The following NR2E1 variants were observed in gnomAD, a reference collection of about 807,000 sequenced individuals.
NR2E1 encodes the protein nuclear receptor TLX.
A neutral mutation model predicts 43.6 loss-of-function variants in NR2E1; 5 were observed. The ratio of observed to expected loss-of-function variants is 0.11; its 90% CI spans 0.06 to 0.24. The LOEUF (loss-of-function observed/expected upper bound fraction) is 0.24. NR2E1 is among the 10% of genes least tolerant of loss of function. The pLI is 1.00. For synonymous variants in NR2E1, 191 were observed against 195.5 expected, an observed-to-expected ratio of 0.98 and a Z score of 0.19; for missense variants, 287 against 496.7, an observed-to-expected ratio of 0.58 and a Z score of 4.01.
intron 8 of NR2E1, among the ~76,000 whole-genome samples, chr6:108,185,786 A>G (rs2114683953): frequency 6.6e-6 from 1 of 152,374 alleles, no homozygotes; most frequent in Non-Finnish European, 1.5e-5. Flanking sequence ...TCCCAACTAA[A>G]GAATAAAATA....
intron 1 of NR2E1, chr6:108,168,229 AG>A: frequency 6.8e-7 from 1 of 1,473,984 alleles, no homozygotes. Context: ...GAGGCTCAGG[AG>A]GCCGTTTCTG....
At chr6:108,179,871 T>C (rs1360815349) in intron 5 of NR2E1, among the ~76,000 whole-genome samples, 1 of 152,094 alleles carries the variant, frequency 6.6e-6, no homozygotes, top group African/African-American at 2.4e-5. Flanking sequence ...GTGATCTCTG[T>C]CTCTCTCCCA....
At chr6:108,183,342 A>C (rs2114681888) in intron 8 of NR2E1, among the ~76,000 whole-genome samples, 1 of 151,932 alleles carries the variant, frequency 6.6e-6, no homozygotes, top group Non-Finnish European at 1.5e-5. Flanking sequence ...CTCCACCAAA[A>C]ATTTAAAAAA....
chr6:108,179,785 G>A (rs1168610022), intron 5 of NR2E1, among the ~76,000 whole-genome samples: 3 of 152,016 alleles, frequency 2.0e-5, no homozygotes. Flanking sequence ...AAATCAAGCA[G>A]TGAGACGAGG....
rs1774090543 is a variant in NR2E1 at position 108,187,222 on chromosome 6, G to T, written c.996-79G>T. The T allele has an allele frequency of 2.0e-6, 3 of 1,472,058 alleles. No individual in the cohort carries two copies. The African/African-American group carries it at 4.2e-5, about 20-fold the overall frequency. 91.2% of individuals were successfully genotyped at this position (1,472,058 alleles called of 1,614,324 possible). On this transcript the variant is annotated intron_variant, in intron 8 of 8. Transcript: ENST00000368986. The stretch of plus-strand genomic sequence containing the variant: ...GACCTAGATCAGCAATGCTGGAGAT[G>T]ATGTGTGTTCAAGTGTAAGACGTTA...
At chr6:108,177,086 C>T (rs942406136) in intron 4 of NR2E1, among the ~76,000 whole-genome samples, 1 of 152,162 alleles carries the variant, frequency 6.6e-6, no homozygotes, top group African/African-American at 2.4e-5. Context: ...CGTCTAAACC[C>T]AGAGGGCAGC....
chr6:108,182,638 A>G (rs1024598055), intron 8 of NR2E1, among the ~76,000 whole-genome samples: 6 of 147,638 alleles, frequency 4.1e-5, no homozygotes, highest in African/African-American at 1.5e-4. Flanking sequence ...GGCTCACTGC[A>G]ACCTTCGCCT....
At chr6:108,167,216 C>A (rs1444205415) in intron 1 of NR2E1, among the ~76,000 whole-genome samples, 1 of 152,182 alleles carries the variant, frequency 6.6e-6, no homozygotes, top group East Asian at 1.9e-4. Flanking sequence ...GAATGGAATG[C>A]TTTGCACCCC....
At chr6:108,173,367 A>T (rs534399109) in intron 2 of NR2E1, among the ~76,000 whole-genome samples, 1 of 152,354 alleles carries the variant, frequency 6.6e-6, no homozygotes, top group South Asian at 2.1e-4. Context: ...GAACTATTAC[A>T]TTGGCCAGCA....
Position 108,180,238 on chromosome 6 carries a change from A to G in NR2E1, c.643-85A>G. ...AAGACAGGCATTTAAAACACTTTTT[A>G]AAATAATGGAAATTTACATAGTGAA... On this transcript the variant is annotated intron_variant, in intron 5 of 8. Coordinates refer to ENST00000368986, the MANE Select transcript of NR2E1 (RefSeq NM_003269.5). This position sits in a 1 kb window ranked among gnomAD's most constrained non-coding sequence, Gnocchi z 5.4. 1 of 915,742 alleles carries G rather than the reference A, an allele frequency of 1.1e-6. No individual in the cohort carries two copies. The highest frequency in any genetic ancestry group is 1.5e-5 in the South Asian group (1 of 68,374). 56.7% of individuals were successfully genotyped at this position (915,742 alleles called of 1,614,324 possible).
Position 108,178,192 on chromosome 6 carries a change from A to G in NR2E1, c.593A>G (p.Lys198Arg). The change falls in exon 5 of 9, where the codon AAG (lysine) becomes AGG (arginine). Residue 198 changes from lysine (K) to arginine (R), a missense_variant. Around this residue, in one of 4 missense-constraint regions of NR2E1, gnomAD observed 119 missense variants for 155.7 expected, o/e 0.76. Transcript: ENST00000368986. ...SAARLLFMSIKWAKSVPAFST... is the reference protein window; with the variant it reads ...SAARLLFMSIRWAKSVPAFST... ...GCCAGACTTCTCTTCATGAGCATCA[A>G]GTGGGCTAAGAGTGTGCCAGCCTTC... 3.1e-6 allele frequency: 5 copies of G among 1,614,190 alleles called. No individual in the cohort carries two copies. The highest frequency in any genetic ancestry group is 4.2e-6 in the Non-Finnish European group (5 of 1,180,044).
At chr6:108,173,638 GTA>G (rs1773847632) in intron 2 of NR2E1, among the ~76,000 whole-genome samples, 1 of 152,202 alleles carries the variant, frequency 6.6e-6, no homozygotes, top group African/African-American at 2.4e-5. Context: ...CAACTCCAGA[GTA>G]TATGAATTTT....
At chr6:108,184,286 G>A (rs1483940879) in intron 8 of NR2E1, among the ~76,000 whole-genome samples, 2 of 152,132 alleles carry the variant, frequency 1.3e-5, no homozygotes, top group Non-Finnish European at 2.9e-5. Context: ...GAGCCATTAT[G>A]GTATTAAGAA....
In NR2E1 at chr6:108,170,676, G is replaced by A. The variant is rs76519820; in HGVS notation, c.26-782G>A. Among the ~76,000 whole-genome samples, 864 of 152,214 alleles carry A rather than the reference G, an allele frequency of 5.7e-3. 11 individuals are homozygous for A. The highest frequency in any genetic ancestry group is 0.019 in the African/African-American group (791 of 41,512). ...AGATCCACACAGGACCAAGTGTGTG[G>A]AGGCCAGTCTTCTAGGGAGAAAGGG... On this transcript the variant is annotated intron_variant, in intron 1 of 8. Coordinates refer to ENST00000368986, the MANE Select transcript of NR2E1 (RefSeq NM_003269.5).
chr6:108,180,935 T>C lies in NR2E1; in HGVS notation c.868T>C (p.Cys290Arg). 1.2e-6 allele frequency: 2 copies of C among 1,614,208 alleles called. No homozygotes were observed. The highest frequency in any genetic ancestry group is 1.7e-6 in the Non-Finnish European group (2 of 1,180,036). The stretch of plus-strand genomic sequence containing the variant: ...TGCTACTGAATTTGCCTGTCTAAAA[T>C]GCATCGTCACTTTCAAAGCCGGTAA... ...LDATEFACLKCIVTFKAVPTH... is the reference protein window; with the variant it reads ...LDATEFACLKRIVTFKAVPTH... Residue 290 changes from cysteine to arginine, a missense_variant, in exon 7 of 9, where the codon TGC becomes CGC. Cys to Arg is a radical substitution (Grantham distance 180). Around this residue, in one of 4 missense-constraint regions of NR2E1, gnomAD observed 119 missense variants for 187.0 expected, o/e 0.64. Coordinates refer to ENST00000368986, the MANE Select transcript of NR2E1 (RefSeq NM_003269.5). The surrounding 1 kb of genome is among the most constrained non-coding windows in gnomAD (Gnocchi z 5.4).
In NR2E1 at chr6:108,188,530, CA is replaced by C. The variant is rs992059957; in HGVS notation, c.*1068del. ...ACACACACACACACACACACACACA[CA>C]CACACACACACACACACACACCGTC... On this transcript the variant is annotated 3_prime_UTR_variant, in exon 9 of 9. Coordinates refer to ENST00000368986, the MANE Select transcript of NR2E1 (RefSeq NM_003269.5). The C allele has an allele frequency of 8.5e-5, 13 of 152,926 alleles. No homozygotes were observed. The highest frequency in any genetic ancestry group is 3.1e-4 in the African/African-American group (13 of 41,428). The allele number at this position is 152,926 out of a possible 1,614,324, so 9.5% of individuals were successfully genotyped here.
chr6:108,188,083 C>T lies in NR2E1; in HGVS notation c.*620C>T, dbSNP rs541723756. On this transcript the variant is annotated 3_prime_UTR_variant, in exon 9 of 9. Coordinates refer to ENST00000368986, the MANE Select transcript of NR2E1 (RefSeq NM_003269.5). ...TTCTTTTCTTTCTCTTTCTTTTGTT[C>T]TTTCTTCTTCTTTTTTAATACCATA... 6.5e-6 allele frequency: 1 copy of T among 153,060 alleles called. No homozygotes were observed. Among genetic ancestry groups the T allele is most frequent in the African/African-American group, 2.4e-5 (1 of 40,912 alleles). The allele number at this position is 153,060 out of a possible 1,614,324, so 9.5% of individuals were successfully genotyped here. A position where few individuals can be genotyped will look rare whatever the true frequency, so the allele number is the denominator to read the frequency against.
At position 108,176,099 on chromosome 6, in the gene NR2E1, T is replaced by G. The variant is rs147170164; in HGVS notation, c.260-404T>G. 1,432 of 192,468 alleles carry G rather than the reference T, an allele frequency of 7.4e-3. 23 individuals carry two copies. The highest frequency in any genetic ancestry group is 0.03 in the African/African-American group (1,284 of 42,724). The allele number at this position is 192,468 out of a possible 1,614,324, so 11.9% of individuals were successfully genotyped here. On this transcript the variant is annotated intron_variant, in intron 3 of 8. Transcript: ENST00000368986. Reference sequence around the variant, plus strand: ...TGGAAAAGTCTGCGCAGAAACGAGGTGTCTGGCGTGCGCGACGCTCCCTCT... The same window carrying G: ...TGGAAAAGTCTGCGCAGAAACGAGGGGTCTGGCGTGCGCGACGCTCCCTCT...
intron 3 of NR2E1, chr6:108,175,974 C>G (rs527580428): frequency 8.9e-5 from 14 of 157,808 alleles, no homozygotes; most frequent in Admixed American, 4.3e-4. Context: ...CCCTAGCAAT[C>G]CCGGGGCTCG....
Sources: allele counts gnomAD v4.1 joint callset (sites outside exome capture counted in the v4.1 genomes callset), GRCh38; gene constraint gnomAD v4.1.1; regional missense constraint gnomAD v4.1.1; non-coding constraint Gnocchi (gnomAD v3.1); transcripts MANE v1.5; gene names NCBI Gene and HGNC (gene_info 2026-07-23, HGNC 2026-07-21).